The following ADCYAP1R1 variants were observed in gnomAD, a reference collection of about 807,000 sequenced individuals.
The protein encoded by ADCYAP1R1 is pituitary adenylate cyclase-activating polypeptide type I receptor.
In ADCYAP1R1, 44 loss-of-function variants were observed where a neutral mutation model predicts 67.6. The ratio of observed to expected loss-of-function variants is 0.65; its 90% CI spans 0.51 to 0.84. ADCYAP1R1 has a LOEUF of 0.84. ADCYAP1R1 is among the 40% of genes least tolerant of loss of function. The pLI is 0.00. For synonymous variants in ADCYAP1R1, 222 were observed against 219.6 expected (o/e 1.01, Z -0.10); for missense variants, 477 against 587.9 (o/e 0.81, Z 1.95).
At chr7:31,071,421 C>A (rs1020184911) in intron 3 of ADCYAP1R1, among the ~76,000 whole-genome samples, 2 of 152,132 alleles carry the variant, frequency 1.3e-5, no homozygotes, top group African/African-American at 4.8e-5. Context: ...GGGGCCTATA[C>A]ACAGATGGAG....
At chr7:31,096,591 G>A (rs1042413756) in intron 13 of ADCYAP1R1, among the ~76,000 whole-genome samples, 12 of 152,320 alleles carry the variant, frequency 7.9e-5, no homozygotes, top group African/African-American at 2.9e-4. Context: ...AAAACCCTGA[G>A]CTAGGGTGCC....
At chr7:31,062,113 G>A (rs1211282144) in intron 1 of ADCYAP1R1, among the ~76,000 whole-genome samples, 3 of 152,326 alleles carry the variant, frequency 2.0e-5, no homozygotes, top group Non-Finnish European at 2.9e-5. Flanking sequence ...GAATGTGCTT[G>A]CATATGCTTC....
In ADCYAP1R1 at chr7:31,058,696, G is replaced by A. The variant is rs116625219; in HGVS notation, c.-71-4498G>A. Among the ~76,000 whole-genome samples, 981 of 152,328 alleles carry A rather than the reference G, an allele frequency of 6.4e-3. 10 individuals are homozygous for A. Among genetic ancestry groups the A allele is most frequent in the African/African-American group, 0.02 (836 of 41,574 alleles). ...GAAACTAGATATAGATATGTGAATG[G>A]GTGTAGTGGCGGACCTGACCAGCCC... On this transcript the variant is annotated intron_variant, in intron 1 of 15. Transcript: ENST00000304166.
chr7:31,055,859 T>G lies in ADCYAP1R1; in HGVS notation c.-72+3181T>G, dbSNP rs1213315625. 5.9e-5 allele frequency among the ~76,000 whole-genome samples: 9 copies of G among 152,216 alleles called. No individual in the cohort carries two copies. In the South Asian group the frequency reaches 1.7e-3, roughly 28 times the overall value. On this transcript the variant is annotated intron_variant, in intron 1 of 15. Coordinates refer to ENST00000304166, the MANE Select transcript of ADCYAP1R1 (RefSeq NM_001118.5). ...GCCCATCTGTTTAATGGGTCAGGCC[T>G]AGGAGAGGGTCCCTGCCTGGCCTCA...
intron 13 of ADCYAP1R1, among the ~76,000 whole-genome samples, chr7:31,100,672 CTA>C (rs1394651245): frequency 6.6e-6 from 1 of 152,188 alleles, no homozygotes; most frequent in East Asian, 1.9e-4. Flanking sequence ...CACAACAACT[CTA>C]TGAGCTGGGT....
chr7:31,087,475 G>T, intron 11 of ADCYAP1R1, 152 bp from the exon 12 acceptor site: 1 of 685,176 alleles, frequency 1.5e-6, no homozygotes, highest in Non-Finnish European at 2.6e-6. Context: ...GGAGTCTGTA[G>T]CCCGCTGGAG....
intron 6 of ADCYAP1R1, 79 bp from the exon 7 acceptor site, chr7:31,084,062 G>T: frequency 7.9e-7 from 1 of 1,273,780 alleles, no homozygotes; most frequent in Admixed American, 1.8e-5. Flanking sequence ...AATTCCCACT[G>T]AATACGTAAT....
chr7:31,060,502 G>T (rs1217146597), intron 1 of ADCYAP1R1, among the ~76,000 whole-genome samples: 2 of 134,384 alleles, frequency 1.5e-5, no homozygotes, highest in Non-Finnish European at 3.0e-5. Context: ...TGTGTGTGTG[G>T]TGTGTGTGTG....
chr7:31,091,385 AG>A (rs2128633494), intron 12 of ADCYAP1R1, among the ~76,000 whole-genome samples: 1 of 152,250 alleles, frequency 6.6e-6, no homozygotes, highest in African/African-American at 2.4e-5. Context: ...CTCTGTTGAC[AG>A]TTTCTTTTGC....
rs374362599 is a variant in ADCYAP1R1 at position 31,057,347 on chromosome 7, A to G, written c.-72+4669A>G. Among the ~76,000 whole-genome samples the G allele has an allele frequency of 2.0e-5, 3 of 152,234 alleles. 1 individual carries two copies. The South Asian group carries it at 6.2e-4, about 32-fold the overall frequency. On this transcript the variant is annotated intron_variant, in intron 1 of 15. Coordinates refer to ENST00000304166, the MANE Select transcript of ADCYAP1R1 (RefSeq NM_001118.5). ...TCCAGTATGGAAGAGAACTCCTCAC[A>G]GGACCCTGGGAAGGACTCTGCAGCA...
At chr7:31,095,683 C>T (rs1025321164) in intron 13 of ADCYAP1R1, 16 of 718,022 alleles carry the variant, frequency 2.2e-5, no homozygotes, top group Middle Eastern at 2.3e-4. Flanking sequence ...TTTAAGCCCG[C>T]GAGTCCCCAA....
Position 31,110,757 on chromosome 7 carries a change from T to A in ADCYAP1R1, c.*4073T>A, listed in dbSNP as rs560231303. On this transcript the variant is annotated 3_prime_UTR_variant, in exon 16 of 16. Transcript: ENST00000304166. ...TCTGTGATCCAGGGCTTACCTTCTT[T>A]GGGCCTCGGCCTCCTAATCTGGGTA... 6.6e-6 allele frequency: 1 copy of A among 152,454 alleles called. No individual in the cohort carries two copies. The highest frequency in any genetic ancestry group is 2.1e-4 in the South Asian group (1 of 4,830). 9.4% of individuals were successfully genotyped at this position (152,454 alleles called of 1,614,324 possible).
chr7:31,106,657 C>A lies in ADCYAP1R1; in HGVS notation c.1380C>A (p.Gly460=), dbSNP rs939868701. ...SKSSSQIRMS[G]LPADNLAT is the part of the protein sequence containing the mutation. ...GCAGCTCCCAAATCCGCATGTCTGGCCTCCCTGCTGACAATCTGGCCACCT... is the reference window on the plus strand; with the variant it reads ...GCAGCTCCCAAATCCGCATGTCTGGACTCCCTGCTGACAATCTGGCCACCT... The change falls in exon 16 of 16, where the codon GGC becomes GGA. Residue 460 remains glycine, a synonymous_variant. Coordinates refer to ENST00000304166, the MANE Select transcript of ADCYAP1R1 (RefSeq NM_001118.5). The A allele has an allele frequency of 9.3e-6, 15 of 1,610,918 alleles. No homozygotes were observed. In the Admixed American group the frequency reaches 1.8e-4, roughly 20 times the overall value.
intron 3 of ADCYAP1R1, among the ~76,000 whole-genome samples, chr7:31,065,881 A>T (rs1794716079): frequency 6.6e-6 from 1 of 152,182 alleles, no homozygotes; most frequent in South Asian, 2.1e-4. Context: ...GTATTTAAGC[A>T]CTTGACTAAT....
intron 15 of ADCYAP1R1, 126 bp downstream of exon 15, chr7:31,105,035 T>G (rs1353427370): frequency 5.1e-6 from 5 of 977,256 alleles, no homozygotes. Context: ...CTCCCAGCAC[T>G]GAGAGGAGGG....
chr7:31,072,883 G>A (rs1389158173), intron 3 of ADCYAP1R1, among the ~76,000 whole-genome samples: 5 of 152,222 alleles, frequency 3.3e-5, no homozygotes, highest in Admixed American at 6.5e-5. Flanking sequence ...ATGGAAGCAG[G>A]AGAATCAGAG....
chr7:31,062,188 T>C (rs976190844), intron 1 of ADCYAP1R1, among the ~76,000 whole-genome samples: 17 of 152,200 alleles, frequency 1.1e-4, no homozygotes, highest in Non-Finnish European at 2.2e-4. Context: ...TATGTCGTAA[T>C]GATCAATTTT....
At chr7:31,092,986 G>A (rs1175871574) in intron 13 of ADCYAP1R1, among the ~76,000 whole-genome samples, 1 of 152,220 alleles carries the variant, frequency 6.6e-6, no homozygotes, top group Non-Finnish European at 1.5e-5. Flanking sequence ...GCCTGAGAGA[G>A]AGACTGACTA....
At chr7:31,092,572 G>A in intron 12 of ADCYAP1R1, 72 bp from the exon 13 acceptor site, 1 of 1,196,304 alleles carries the variant, frequency 8.4e-7, no homozygotes, top group Non-Finnish European at 1.2e-6. Flanking sequence ...GTGGGGGAGG[G>A]TCCTGCTGGG....
Sources: allele counts gnomAD v4.1 joint callset (sites outside exome capture counted in the v4.1 genomes callset), GRCh38; gene constraint gnomAD v4.1.1; transcripts MANE v1.5; gene names NCBI Gene and HGNC (gene_info 2026-07-23, HGNC 2026-07-21).